EPHA8: variants seen among roughly 807,000 people sequenced by gnomAD.
The protein encoded by EPHA8 is ephrin type-A receptor 8.
A neutral mutation model predicts 103.6 loss-of-function variants in EPHA8; 58 were observed. That is an observed-to-expected ratio of 0.56 (90% CI 0.45 to 0.70). EPHA8 has a LOEUF of 0.70. EPHA8 is among the 30% of genes least tolerant of loss of function. The pLI, the probability that EPHA8 is intolerant of heterozygous loss-of-function variation, is 0.00. For synonymous variants in EPHA8, 559 were observed against 572.5 expected, an observed-to-expected ratio of 0.98 and a Z score of 0.34; for missense variants, 1,304 against 1,395.2, an observed-to-expected ratio of 0.93 and a Z score of 1.04.
chr1:22,568,472 C>T (rs1640431022), intron 1 of EPHA8, among the ~76,000 whole-genome samples: 1 of 152,220 alleles, frequency 6.6e-6, no homozygotes, highest in South Asian at 2.1e-4. Flanking sequence ...CTCCGAATGG[C>T]AGCTCCGCCA....
chr1:22,586,801 C>T (rs112043215), intron 4 of EPHA8, among the ~76,000 whole-genome samples, 166 bp downstream of exon 4: 94 of 152,056 alleles, frequency 6.2e-4, no homozygotes, highest in African/African-American at 2.2e-3. Flanking sequence ...ACTCTGATCC[C>T]TCCACGGTGG....
intron 1 of EPHA8, among the ~76,000 whole-genome samples, chr1:22,568,321 C>T (rs1382317667): frequency 6.6e-6 from 1 of 152,192 alleles, no homozygotes; most frequent in Non-Finnish European, 1.5e-5. Flanking sequence ...TGCAGGGTCC[C>T]CTTTGCAGAG....
chr1:22,580,473 A>T (rs189310990), intron 3 of EPHA8, among the ~76,000 whole-genome samples: 3 of 152,110 alleles, frequency 2.0e-5, no homozygotes, highest in African/African-American at 7.2e-5. Flanking sequence ...CTCATTTCAC[A>T]TCCCCAATTT....
intron 5 of EPHA8, among the ~76,000 whole-genome samples, chr1:22,590,420 G>T (rs182575367): frequency 2.6e-5 from 4 of 152,074 alleles, no homozygotes; most frequent in Non-Finnish European, 5.9e-5. Context: ...CGTGCCTGGC[G>T]TATCTACTTC....
At chr1:22,578,864 T>TATGCGTGTGTGC (rs1275067939) in intron 3 of EPHA8, among the ~76,000 whole-genome samples, 3 of 145,142 alleles carry the variant, frequency 2.1e-5, no homozygotes, top group African/African-American at 8.4e-5. Flanking sequence ...CATGTGTGTA[T>TATGCGTGTGTGC]ATGCACGTGT....
chr1:22,601,048 C>G lies in EPHA8; in HGVS notation c.2689C>G (p.Arg897Gly). Residue 897 changes from arginine to glycine, a missense_variant, in exon 15 of 17, where the codon CGC becomes GGC. Arg to Gly is a moderately radical substitution (Grantham distance 125). Transcript: ENST00000166244. ...QIVSVLDALI[R>G]SPESLRATAT... The stretch of plus-strand genomic sequence containing the variant: ...TGTCAGTGTCCTCGATGCGCTCATC[C>G]GCAGCCCTGAGAGTCTCAGGGCCAC... 1.2e-6 allele frequency: 2 copies of G among 1,611,816 alleles called. No homozygotes were observed. Among genetic ancestry groups the G allele is most frequent in the Non-Finnish European group, 1.7e-6 (2 of 1,179,366 alleles).
At chr1:22,596,238 G>A (rs990067335) in intron 9 of EPHA8, 65 bp downstream of exon 9, 3 of 1,516,236 alleles carry the variant, frequency 2.0e-6, no homozygotes, top group South Asian at 1.1e-5. Flanking sequence ...GTGCTGGACT[G>A]GGGGTGGCAC....
chr1:22,578,704 T>TGTGA (rs1640905663), intron 3 of EPHA8, among the ~76,000 whole-genome samples: 1 of 151,428 alleles, frequency 6.6e-6, no homozygotes, highest in South Asian at 2.1e-4. Context: ...TGCCTGTGTG[T>TGTGA]GTATGTATAT....
At position 22,602,390 on chromosome 1, in the gene EPHA8, G is replaced by C. The variant is rs1641764989; in HGVS notation, c.*649G>C. 6.5e-6 allele frequency: 1 copy of C among 153,332 alleles called. No homozygotes were observed. The highest frequency in any genetic ancestry group is 2.4e-5 in the African/African-American group (1 of 41,432). The allele number at this position is 153,332 out of a possible 1,614,324, so 9.5% of individuals were successfully genotyped here. ...CAGGCCCACCCTCGTCTCTGCCTGG[G>C]TGAGCCCACCCCGGCTGTATCTCAG... On this transcript the variant is annotated 3_prime_UTR_variant, in exon 17 of 17. Coordinates refer to ENST00000166244, the MANE Select transcript of EPHA8 (RefSeq NM_020526.5).
intron 2 of EPHA8, among the ~76,000 whole-genome samples, chr1:22,570,309 C>A (rs140086880): frequency 7.2e-6 from 1 of 138,966 alleles, no homozygotes; most frequent in Non-Finnish European, 1.5e-5. Flanking sequence ...CACACGTGTG[C>A]GTGTACACAC....
chr1:22,600,533 C>T (rs1044828768), intron 13 of EPHA8, 128 bp from the exon 14 acceptor site: 87 of 1,270,714 alleles, frequency 6.8e-5, no homozygotes, highest in South Asian at 1.7e-4. Context: ...TGCTCTGGGA[C>T]GGTGGGGGCT....
At chr1:22,593,754 C>T (rs1320118354) in intron 7 of EPHA8, 68 bp downstream of exon 7, 4 of 1,452,692 alleles carry the variant, frequency 2.8e-6, no homozygotes, top group Non-Finnish European at 3.6e-6. Context: ...CGGGGGGTGG[C>T]CGAGGAGAGA....
chr1:22,564,644 C>T (rs1310368892), intron 1 of EPHA8, among the ~76,000 whole-genome samples: 1 of 151,974 alleles, frequency 6.6e-6, no homozygotes, highest in East Asian at 1.9e-4. Flanking sequence ...AGAGGGAGCA[C>T]CTAAGCCTGC....
At chr1:22,571,158 G>A (rs1640533163) in intron 2 of EPHA8, among the ~76,000 whole-genome samples, 1 of 152,236 alleles carries the variant, frequency 6.6e-6, no homozygotes. Flanking sequence ...GGCTGGCCTC[G>A]TGTTTTGGAC....
chr1:22,591,894 C>G (rs1271295326), intron 5 of EPHA8, among the ~76,000 whole-genome samples: 1 of 152,180 alleles, frequency 6.6e-6, no homozygotes, highest in Non-Finnish European at 1.5e-5. Context: ...GTGGTCTTCT[C>G]CATCACAGAC....
rs945861196 is a variant in EPHA8 at position 22,602,081 on chromosome 1, C to G, written c.*340C>G. 4.6e-6 allele frequency: 2 copies of G among 432,408 alleles called. No homozygotes were observed. Among genetic ancestry groups the G allele is most frequent in the African/African-American group, 2.1e-5 (1 of 47,494 alleles). The allele number at this position is 432,408 out of a possible 1,614,324, so 26.8% of individuals were successfully genotyped here. Reference sequence around the variant, plus strand: ...GTGTGTGTGGTGGGGGGTGTTCTCACAAGGTCATGGGATCTCATGTGAACA... The same window carrying G: ...GTGTGTGTGGTGGGGGGTGTTCTCAGAAGGTCATGGGATCTCATGTGAACA... On this transcript the variant is annotated 3_prime_UTR_variant, in exon 17 of 17. Coordinates refer to ENST00000166244, the MANE Select transcript of EPHA8 (RefSeq NM_020526.5).
chr1:22,596,312 C>T, intron 9 of EPHA8, 139 bp downstream of exon 9: 2 of 798,808 alleles, frequency 2.5e-6, no homozygotes, highest in Non-Finnish European at 2.0e-6. Flanking sequence ...TCCAGGGTGT[C>T]ACAGAGACCT....
In EPHA8 at chr1:22,593,342, G is replaced by T; in HGVS notation, c.1332G>T (p.Val444=). The change falls in exon 6 of 17, where the codon GTG becomes GTT. Residue 444 remains valine (V), a synonymous_variant. Transcript: ENST00000166244. ...CCGCCCCAGCCCCGTCCCAGGTGGT[G>T]GTGATCCGTCAAGAGCGGGCGGGGC... ...TTNQAAPSQV[V]VIRQERAGQT... 6.4e-7 allele frequency: 1 copy of T among 1,574,772 alleles called. No homozygotes were observed. The highest frequency in any genetic ancestry group is 1.3e-5 in the African/African-American group (1 of 74,614).
At chr1:22,577,056 T>C (rs1204744502) in intron 3 of EPHA8, among the ~76,000 whole-genome samples, 176 bp downstream of exon 3, 3 of 152,078 alleles carry the variant, frequency 2.0e-5, no homozygotes, top group Admixed American at 1.3e-4. Flanking sequence ...CGAGGCCACC[T>C]GTGTCCGTGT....
Sources: gnomAD v4.1 joint callset for allele counts (sites outside exome capture counted in the v4.1 genomes callset) on GRCh38, gnomAD v4.1.1 for gene constraint, MANE v1.5 for transcripts, NCBI Gene and HGNC (gene_info 2026-07-23, HGNC 2026-07-21) for gene names.